The following EYS variants were observed in gnomAD, a reference collection of about 807,000 sequenced individuals.
The protein encoded by EYS is EGF-like photoreceptor maintenance factor, also known as protein eyes shut homolog.
In EYS, 250 loss-of-function variants were observed where a neutral mutation model predicts 282.1. The observed-to-expected ratio is 0.89, with a 90% confidence interval of 0.80 to 0.98. The LOEUF is 0.98. Ranked by LOEUF, EYS falls within the 50% of genes least tolerant of loss-of-function variation. The pLI, the probability that EYS is intolerant of heterozygous loss-of-function variation, is 0.00. For synonymous variants in EYS, 1,355 were observed against 1,282.9 expected, an observed-to-expected ratio of 1.06 and a Z score of -1.20; for missense variants, 4,016 against 3,709.0, an observed-to-expected ratio of 1.08 and a Z score of -2.15.
intron 22 of EYS, among the ~76,000 whole-genome samples, chr6:64,772,812 T>C (rs557390824): frequency 2.6e-5 from 4 of 151,916 alleles, no homozygotes; most frequent in African/African-American, 9.6e-5. Flanking sequence ...TGTCTTTTAG[T>C]TTCATCCACG....
At chr6:64,519,212 G>A (rs918634482) in intron 26 of EYS, among the ~76,000 whole-genome samples, 14 of 151,790 alleles carry the variant, frequency 9.2e-5, no homozygotes, top group African/African-American at 2.7e-4. Context: ...CTCACCTTTA[G>A]AAGAGTAGAA....
At chr6:64,338,737 T>C (rs1770963571) in intron 29 of EYS, among the ~76,000 whole-genome samples, 1 of 151,994 alleles carries the variant, frequency 6.6e-6, no homozygotes, top group East Asian at 1.9e-4. Flanking sequence ...CAAACTATAC[T>C]ATAAGGCCAT....
At position 64,686,791 on chromosome 6, in the gene EYS, GTGTA is replaced by G. The variant is rs536839391; in HGVS notation, c.3444-60550_3444-60547del. 6.1e-3 allele frequency among the ~76,000 whole-genome samples: 131 copies of G among 21,422 alleles called. 12 individuals carry two copies. Among genetic ancestry groups the G allele is most frequent in the Non-Finnish European group, 0.012 (64 of 5,384 alleles). The allele number at this position is 21,422 out of a possible 152,430, so 14.1% of individuals were successfully genotyped here. ...TGTATATATATATATATATATATGT[GTGTA>G]TATATATATGTGTGTATATATATAT... On this transcript the variant is annotated intron_variant, in intron 22 of 42. Coordinates refer to ENST00000503581, the MANE Select transcript of EYS (RefSeq NM_001142800.2).
chr6:64,379,936 G>C (rs1464108473), intron 29 of EYS, among the ~76,000 whole-genome samples: 1 of 152,042 alleles, frequency 6.6e-6, no homozygotes, highest in African/African-American at 2.4e-5. Flanking sequence ...TCAAGTAATG[G>C]TTAACAATGT....
chr6:64,000,168 CTTTTTTTTTTTTTTTTTTTTTTTTTTTTT>C (rs71551553), intron 33 of EYS, among the ~76,000 whole-genome samples: 6 of 42,716 alleles, frequency 1.4e-4, no homozygotes, highest in African/African-American at 5.3e-4. Flanking sequence ...AGACATGGGA[CTTTTTTTTTTTTTTTTTTTTTTTTTTTTT>C]TTTTTTTTTT....
chr6:63,943,290 C>T (rs1765297015), intron 35 of EYS, among the ~76,000 whole-genome samples: 1 of 152,174 alleles, frequency 6.6e-6, no homozygotes, highest in Non-Finnish European at 1.5e-5. Context: ...TCAGAGTTAA[C>T]TTACTTAGGT....
chr6:65,466,228 T>C (rs1764994164), intron 5 of EYS, among the ~76,000 whole-genome samples: 1 of 152,084 alleles, frequency 6.6e-6, no homozygotes, highest in Non-Finnish European at 1.5e-5. Flanking sequence ...ATTGAGGTAA[T>C]GGAAGCAGTA....
chr6:65,025,468 C>T (rs1314470274), intron 13 of EYS, among the ~76,000 whole-genome samples: 1 of 152,112 alleles, frequency 6.6e-6, no homozygotes, highest in Admixed American at 6.5e-5. Context: ...ATTTAATTTG[C>T]ATTTATGCAT....
At position 65,033,145 on chromosome 6, in the gene EYS, T is replaced by C. The variant is rs1271509889; in HGVS notation, c.2137+24469A>G. ...CAGCCAAGTGTTCAAGATGTGGCCT[T>C]GCTGCTTCTAACAACCTAGCTCAGA... On this transcript the variant is annotated intron_variant, in intron 13 of 42. Coordinates refer to ENST00000503581, the MANE Select transcript of EYS (RefSeq NM_001142800.2). 3.9e-5 allele frequency among the ~76,000 whole-genome samples: 6 copies of C among 152,282 alleles called. No homozygotes were observed. The East Asian group carries it at 1.2e-3, about 29-fold the overall frequency.
chr6:65,095,012 C>G (rs1292524939), intron 12 of EYS, among the ~76,000 whole-genome samples: 1 of 151,190 alleles, frequency 6.6e-6, no homozygotes, highest in African/African-American at 2.4e-5. Flanking sequence ...GATATTACAA[C>G]TGATGCTACA....
At chr6:65,408,689 A>AT (rs1275027530) in intron 5 of EYS, among the ~76,000 whole-genome samples, 2 of 151,732 alleles carry the variant, frequency 1.3e-5, no homozygotes, top group East Asian at 3.9e-4. Flanking sequence ...TGTTTCATTG[A>AT]TTTTCTCTAA....
chr6:65,101,886 C>G (rs1774903721), intron 12 of EYS, among the ~76,000 whole-genome samples: 1 of 151,198 alleles, frequency 6.6e-6, no homozygotes, highest in Admixed American at 6.6e-5. Flanking sequence ...TGCTCGCTAT[C>G]CAAAATCATG....
chr6:64,578,681 G>A (rs185693796), intron 26 of EYS, among the ~76,000 whole-genome samples: 88 of 151,716 alleles, frequency 5.8e-4, no homozygotes, highest in Admixed American at 5.3e-4. Flanking sequence ...TAGAAGTTAA[G>A]CTCCAGAGGG....
intron 12 of EYS, among the ~76,000 whole-genome samples, chr6:65,189,837 G>T (rs987085337): frequency 3.3e-5 from 5 of 151,808 alleles, no homozygotes; most frequent in Non-Finnish European, 7.4e-5. Context: ...TCAGAGGAAA[G>T]TGAATATTTA....
At chr6:65,427,353 C>T (rs1005206750) in intron 5 of EYS, among the ~76,000 whole-genome samples, 1 of 151,936 alleles carries the variant, frequency 6.6e-6, no homozygotes, top group Non-Finnish European at 1.5e-5. Flanking sequence ...CATGAATATG[C>T]TATTTCCCTC....
intron 5 of EYS, among the ~76,000 whole-genome samples, chr6:65,448,685 A>C (rs1234039858): frequency 6.6e-6 from 1 of 152,058 alleles, no homozygotes; most frequent in East Asian, 1.9e-4. Context: ...AGCTCTTACA[A>C]ACATATTTTT....
chr6:65,028,036 C>T (rs1772474949), intron 13 of EYS, among the ~76,000 whole-genome samples: 1 of 152,120 alleles, frequency 6.6e-6, no homozygotes, highest in Non-Finnish European at 1.5e-5. Context: ...TCAATGACTA[C>T]ACTTTGAGTT....
At chr6:64,319,336 G>A (rs1232547044) in intron 29 of EYS, among the ~76,000 whole-genome samples, 1 of 151,726 alleles carries the variant, frequency 6.6e-6, no homozygotes, top group African/African-American at 2.4e-5. Flanking sequence ...TTAGGTAAAA[G>A]TTTTAGAAAT....
chr6:65,518,169 C>G (rs2127296284), intron 2 of EYS, among the ~76,000 whole-genome samples: 2 of 152,154 alleles, frequency 1.3e-5, no homozygotes, highest in South Asian at 4.1e-4. Flanking sequence ...AGAATCCAAA[C>G]TTATATCCAA....
Sources: gnomAD v4.1 joint callset for allele counts (sites outside exome capture counted in the v4.1 genomes callset) on GRCh38, gnomAD v4.1.1 for gene constraint, MANE v1.5 for transcripts, NCBI Gene and HGNC (gene_info 2026-07-23, HGNC 2026-07-21) for gene names.